The following CAMK2D variants were observed in gnomAD, a reference collection of about 807,000 sequenced individuals.
CAMK2D encodes the protein calcium/calmodulin-dependent protein kinase type II subunit delta.
CAMK2D carries 37 observed loss-of-function variants against 84.0 expected under a neutral mutation model. The ratio of observed to expected loss-of-function variants is 0.44; its 90% CI spans 0.34 to 0.58. CAMK2D has a LOEUF of 0.58. Among genes scored for constraint, CAMK2D ranks in the 20% least tolerant of loss-of-function variants. The pLI is 0.02. For synonymous variants in CAMK2D, 202 were observed against 212.5 expected (o/e 0.95, Z 0.43); for missense variants, 448 against 652.5 (o/e 0.69, Z 3.41).
intron 2 of CAMK2D, among the ~76,000 whole-genome samples, chr4:113,724,215 G>C (rs17046453): frequency 7.3e-5 from 11 of 151,668 alleles, no homozygotes; most frequent in Admixed American, 1.3e-4. Flanking sequence ...TGTGGGCTTC[G>C]ACAACAAAAT....
chr4:113,759,191 C>A (rs2099635253), intron 2 of CAMK2D, 129 bp downstream of exon 2: 2 of 503,020 alleles, frequency 4.0e-6, no homozygotes, highest in African/African-American at 3.9e-5. Flanking sequence ...AGAAAATAAT[C>A]TTAATATATA....
At chr4:113,532,432 A>G (rs1166753499) in intron 7 of CAMK2D, among the ~76,000 whole-genome samples, 1 of 152,182 alleles carries the variant, frequency 6.6e-6, no homozygotes, top group Non-Finnish European at 1.5e-5. Context: ...TCGACTTGAA[A>G]TAAATATTTG....
At chr4:113,619,783 T>A (rs559563110) in intron 3 of CAMK2D, among the ~76,000 whole-genome samples, 3 of 152,334 alleles carry the variant, frequency 2.0e-5, no homozygotes, top group South Asian at 2.1e-4. Flanking sequence ...AAAGCTAGGA[T>A]TTCATTGTTT....
At chr4:113,706,099 G>T (rs1561947524) in intron 2 of CAMK2D, among the ~76,000 whole-genome samples, 1 of 152,206 alleles carries the variant, frequency 6.6e-6, no homozygotes, top group Non-Finnish European at 1.5e-5. Flanking sequence ...TCCAATAGCT[G>T]CACTGAGCCA....
At chr4:113,616,656 C>A (rs977975906) in intron 3 of CAMK2D, among the ~76,000 whole-genome samples, 16 of 152,086 alleles carry the variant, frequency 1.1e-4, no homozygotes, top group Non-Finnish European at 2.4e-4. Context: ...CTACAAACAG[C>A]ATGAAAGAAC....
chr4:113,632,463 T>A (rs1019386178), intron 3 of CAMK2D, among the ~76,000 whole-genome samples: 6 of 152,040 alleles, frequency 3.9e-5, no homozygotes, highest in African/African-American at 1.4e-4. Context: ...CCTCAGGTGA[T>A]CCACCTGCCT....
chr4:113,731,679 G>A (rs182394468), intron 2 of CAMK2D, among the ~76,000 whole-genome samples: 24 of 148,330 alleles, frequency 1.6e-4, no homozygotes, highest in African/African-American at 4.7e-4. Flanking sequence ...TCCGCCTCCC[G>A]GGTTCGAGTG....
chr4:113,603,094 A>G (rs2098960125), intron 4 of CAMK2D, among the ~76,000 whole-genome samples: 1 of 152,156 alleles, frequency 6.6e-6, no homozygotes, highest in Non-Finnish European at 1.5e-5. Flanking sequence ...CTTGTTCTCC[A>G]GAGCCGCTGA....
At chr4:113,725,077 G>C (rs1593622120) in intron 2 of CAMK2D, among the ~76,000 whole-genome samples, 2 of 151,942 alleles carry the variant, frequency 1.3e-5, no homozygotes, top group Non-Finnish European at 2.9e-5. Context: ...AAATAGATAT[G>C]CATTAAAACC....
chr4:113,579,715 T>G (rs1471340746), intron 4 of CAMK2D, among the ~76,000 whole-genome samples: 1 of 152,172 alleles, frequency 6.6e-6, no homozygotes, highest in East Asian at 1.9e-4. Context: ...TGAGCCAAAA[T>G]AAACCTTTTT....
intron 4 of CAMK2D, among the ~76,000 whole-genome samples, chr4:113,603,432 T>C (rs1365116831): frequency 1.5e-5 from 2 of 136,884 alleles, no homozygotes; most frequent in African/African-American, 2.8e-5. Context: ...TTCATGTCCT[T>C]TGTAGGGACA....
In CAMK2D at chr4:113,524,396, G is replaced by C. The variant is rs901208312; in HGVS notation, c.602-6739C>G. ...TGAGTAGAATCATAATAATATTTGTGCTTTTGTAACTGGCTTATTTTGCTT... is the reference window on the plus strand; with the variant it reads ...TGAGTAGAATCATAATAATATTTGTCCTTTTGTAACTGGCTTATTTTGCTT... On this transcript the variant is annotated intron_variant, in intron 8 of 20. Transcript: ENST00000511664. Among the ~76,000 whole-genome samples the C allele has an allele frequency of 1.1e-4, 16 of 152,146 alleles. No homozygotes were observed. In the East Asian group the frequency reaches 3.1e-3, roughly 29 times the overall value.
intron 10 of CAMK2D, 26 bp downstream of exon 10, chr4:113,515,043 T>A (rs1335980857): frequency 6.2e-7 from 1 of 1,605,002 alleles, no homozygotes; most frequent in Admixed American, 1.7e-5. Context: ...TTTTAGTTCT[T>A]GAAGTTTTGG....
At chr4:113,732,362 A>G (rs1264531942) in intron 2 of CAMK2D, among the ~76,000 whole-genome samples, 4 of 151,836 alleles carry the variant, frequency 2.6e-5, no homozygotes, top group African/African-American at 9.7e-5. Context: ...GCCCCAAGTG[A>G]TCCTCCTGCA....
intron 16 of CAMK2D, among the ~76,000 whole-genome samples, chr4:113,495,844 G>A (rs1251084110): frequency 6.6e-6 from 1 of 152,078 alleles, no homozygotes; most frequent in African/African-American, 2.4e-5. Flanking sequence ...CCAAGCTCGT[G>A]GTGAATGGTG....
chr4:113,569,206 GT>G, intron 4 of CAMK2D, among the ~76,000 whole-genome samples: 1 of 152,120 alleles, frequency 6.6e-6, no homozygotes, highest in African/African-American at 2.4e-5. Context: ...TCTTGATTGT[GT>G]CCTTTGATGC....
At chr4:113,668,123 G>C (rs947697575) in intron 2 of CAMK2D, among the ~76,000 whole-genome samples, 1 of 148,464 alleles carries the variant, frequency 6.7e-6, no homozygotes, top group East Asian at 1.9e-4. Flanking sequence ...CCCAACATTT[G>C]AAAAAAAAAA....
At chr4:113,559,105 TGAAAGAAATC>T (rs1227010151) in intron 4 of CAMK2D, among the ~76,000 whole-genome samples, 1 of 150,210 alleles carries the variant, frequency 6.7e-6, no homozygotes, top group Non-Finnish European at 1.5e-5. Flanking sequence ...AAAAAACAAA[TGAAAGAAATC>T]GCTGTATATG....
At chr4:113,672,688 T>G (rs979340472) in intron 2 of CAMK2D, among the ~76,000 whole-genome samples, 13 of 148,772 alleles carry the variant, frequency 8.7e-5, no homozygotes. Flanking sequence ...TGAATTAATT[T>G]AATTAATTAA....
Sources: gnomAD v4.1 joint callset for allele counts (sites outside exome capture counted in the v4.1 genomes callset) on GRCh38, gnomAD v4.1.1 for gene constraint, MANE v1.5 for transcripts, NCBI Gene and HGNC (gene_info 2026-07-23, HGNC 2026-07-21) for gene names.